Variants in GSK3B observed in about 807,000 individuals in gnomAD.
The protein encoded by GSK3B is glycogen synthase kinase 3 beta.
GSK3B carries 15 observed loss-of-function variants against 56.4 expected under a neutral mutation model. That is an observed-to-expected ratio of 0.27 (90% CI 0.18 to 0.41). GSK3B has a LOEUF of 0.41. Ranked by LOEUF, GSK3B falls within the 10% of genes least tolerant of loss-of-function variation. The pLI is 1.00. For synonymous variants in GSK3B, 181 were observed against 188.9 expected (o/e 0.96, Z 0.34); for missense variants, 300 against 513.4 (o/e 0.58, Z 4.02).
At chr3:119,932,071 A>C (rs1166903118) in intron 3 of GSK3B, among the ~76,000 whole-genome samples, 1 of 152,236 alleles carries the variant, frequency 6.6e-6, no homozygotes, top group Non-Finnish European at 1.5e-5. Context: ...ACACATTAGT[A>C]TGATGTGTTA....
intron 3 of GSK3B, among the ~76,000 whole-genome samples, chr3:119,938,075 A>T (rs1436267808): frequency 6.6e-6 from 1 of 152,138 alleles, no homozygotes; most frequent in African/African-American, 2.4e-5. Flanking sequence ...CTCAAAATGA[A>T]ACAGACGATC....
At chr3:120,045,910 T>C (rs961198441) in intron 1 of GSK3B, among the ~76,000 whole-genome samples, 2 of 152,132 alleles carry the variant, frequency 1.3e-5, no homozygotes, top group African/African-American at 4.8e-5. Context: ...CAAAAAGAAA[T>C]TAGGTATCCA....
chr3:120,052,392 A>G (rs772435530), intron 1 of GSK3B, among the ~76,000 whole-genome samples: 1 of 152,218 alleles, frequency 6.6e-6, no homozygotes, highest in Admixed American at 6.5e-5. Context: ...CATGGGTTAA[A>G]TTACAGGTTA....
chr3:120,023,664 A>T (rs771004704), intron 1 of GSK3B, among the ~76,000 whole-genome samples: 5 of 152,082 alleles, frequency 3.3e-5, no homozygotes, highest in Non-Finnish European at 5.9e-5. Context: ...TCATACACAC[A>T]CCCTCGTCAC....
chr3:119,875,641 A>G (rs3108749), intron 8 of GSK3B, among the ~76,000 whole-genome samples: 134,936 of 151,936 alleles, frequency 0.89, 60,079 homozygotes, highest in Admixed American at 0.92. Flanking sequence ...TGTAAAATGA[A>G]GAAGCTAGAG....
At chr3:119,831,025 C>G (rs1252735327) in intron 10 of GSK3B, among the ~76,000 whole-genome samples, 3 of 152,124 alleles carry the variant, frequency 2.0e-5, no homozygotes, top group Admixed American at 6.5e-5. Context: ...ACCAATATGC[C>G]AGACACCACA....
At chr3:120,045,327 G>A (rs2058094166) in intron 1 of GSK3B, among the ~76,000 whole-genome samples, 1 of 152,070 alleles carries the variant, frequency 6.6e-6, no homozygotes, top group Non-Finnish European at 1.5e-5. Context: ...TGTCCTCCAT[G>A]CCTCCTTGCC....
At chr3:119,958,002 C>T (rs562893676) in intron 2 of GSK3B, among the ~76,000 whole-genome samples, 1 of 152,204 alleles carries the variant, frequency 6.6e-6, no homozygotes, top group African/African-American at 2.4e-5. Flanking sequence ...GAACTGTAAT[C>T]CCCACGTGCT....
chr3:119,964,518 A>G (rs933721175), intron 2 of GSK3B, among the ~76,000 whole-genome samples: 15 of 152,228 alleles, frequency 9.9e-5, no homozygotes, highest in African/African-American at 3.1e-4. Flanking sequence ...TAGTCACAGA[A>G]GGAGAAATAC....
rs575913400 is a variant in GSK3B at position 120,046,081 on chromosome 3, TGGATGGGAGGAGG to T, written c.89-43855_89-43843del. On this transcript the variant is annotated intron_variant, in intron 1 of 10. Coordinates refer to ENST00000264235, the MANE Select transcript of GSK3B (RefSeq NM_001146156.2). ...GTGGTGGCCAGGGGATGGGAGGAGGTGGATGGGAGGAGGGGATGGGAGGAGGGGGATGAGAAGG... is the reference window on the plus strand; with the variant it reads ...GTGGTGGCCAGGGGATGGGAGGAGGTGGATGGGAGGAGGGGGATGAGAAGG... Among the ~76,000 whole-genome samples the T allele has an allele frequency of 1.0e-4, 13 of 130,588 alleles. No individual in the cohort carries two copies. In the South Asian group the frequency reaches 2.4e-3, roughly 24 times the overall value. The allele number at this position is 130,588 out of a possible 152,430, so 85.7% of individuals were successfully genotyped here.
chr3:119,889,078 A>G (rs1300039882), intron 7 of GSK3B, among the ~76,000 whole-genome samples: 19 of 152,134 alleles, frequency 1.2e-4, no homozygotes. Context: ...CCTCACAAGC[A>G]TGTGATCTTT....
chr3:120,001,520 C>T (rs2057676851), intron 2 of GSK3B, among the ~76,000 whole-genome samples: 1 of 152,196 alleles, frequency 6.6e-6, no homozygotes, highest in Non-Finnish European at 1.5e-5. Flanking sequence ...CAGATGTCTG[C>T]ACCACACTTC....
At chr3:119,837,357 G>A (rs1459363193) in intron 10 of GSK3B, among the ~76,000 whole-genome samples, 1 of 150,742 alleles carries the variant, frequency 6.6e-6, no homozygotes, top group Non-Finnish European at 1.5e-5. Context: ...AGTAGAGACG[G>A]GGTTTCACCA....
In GSK3B at chr3:119,826,798, T is replaced by G. The variant is rs771546683; in HGVS notation, c.1253A>C (p.Asn418Thr). Residue 418 changes from asparagine (N) to threonine (T), a missense_variant, in exon 11 of 11, where the codon AAC becomes ACC. By Grantham distance (65) the Asn-to-Thr change is moderately conservative (BLOSUM62 0). This residue lies in a region of GSK3B where 88 missense variants were observed against 92.7 expected (regional missense o/e 0.95). Coordinates refer to ENST00000264235, the MANE Select transcript of GSK3B (RefSeq NM_001146156.2). ...GCTGCTCGGGACTGTTCAGGTGGAG[T>G]TGGAAGCTGATGCAGAAGCAGCATT... ...TNNAASASAS[N>T]ST is the part of the protein sequence containing the mutation. 1.2e-6 allele frequency: 2 copies of G among 1,611,388 alleles called. No individual in the cohort carries two copies. Among genetic ancestry groups the G allele is most frequent in the Admixed American group, 1.7e-5 (1 of 59,970 alleles).
At chr3:119,891,974 A>G (rs2056507876) in intron 7 of GSK3B, among the ~76,000 whole-genome samples, 1 of 152,192 alleles carries the variant, frequency 6.6e-6, no homozygotes, top group Non-Finnish European at 1.5e-5. Flanking sequence ...TTATCCAAAC[A>G]CTGAAAAATA....
intron 2 of GSK3B, among the ~76,000 whole-genome samples, chr3:119,972,256 G>A (rs2057374326): frequency 6.6e-6 from 1 of 152,022 alleles, no homozygotes; most frequent in South Asian, 2.1e-4. Context: ...GTATAAGATA[G>A]GCATCATAAT....
intron 1 of GSK3B, among the ~76,000 whole-genome samples, chr3:120,076,474 T>A (rs1325056676): frequency 6.6e-6 from 1 of 152,112 alleles, no homozygotes; most frequent in Non-Finnish European, 1.5e-5. Flanking sequence ...TATTCAAGAT[T>A]TATAAAAACA....
chr3:120,074,466 C>G (rs1157312774), intron 1 of GSK3B, among the ~76,000 whole-genome samples: 1 of 151,550 alleles, frequency 6.6e-6, no homozygotes, highest in Non-Finnish European at 1.5e-5. Context: ...ATTCTCCTGC[C>G]TCAGCCTCCT....
chr3:120,040,268 C>T (rs767861102), intron 1 of GSK3B, among the ~76,000 whole-genome samples: 5 of 152,152 alleles, frequency 3.3e-5, no homozygotes, highest in African/African-American at 1.2e-4. Flanking sequence ...TGGGTCCTAT[C>T]GGCAGTTCCG....
Sources: gnomAD v4.1 joint callset for allele counts (sites outside exome capture counted in the v4.1 genomes callset) on GRCh38, gnomAD v4.1.1 for gene constraint, gnomAD v4.1.1 regional missense constraint, MANE v1.5 for transcripts, NCBI Gene and HGNC (gene_info 2026-07-23, HGNC 2026-07-21) for gene names.